The following PBLD variants were observed in gnomAD, a reference collection of about 807,000 sequenced individuals.
The protein encoded by PBLD is phenazine biosynthesis like protein domain containing, also known as phenazine biosynthesis-like domain-containing protein.
A neutral mutation model predicts 31.3 loss-of-function variants in PBLD; 26 were observed. The observed-to-expected ratio is 0.83, with a 90% CI of 0.61 to 1.15. The LOEUF (loss-of-function observed/expected upper bound fraction) is 1.15, where lower values mean the gene tolerates loss of function less well. Ranked by LOEUF, PBLD falls within the 50% of genes most tolerant of loss-of-function variation. The probability of loss-of-function intolerance (pLI) is 0.00; values close to 1 mark genes in which losing one functional copy is unlikely to be tolerated. For missense variants in PBLD, 307 were observed against 351.7 expected (o/e 0.87, Z 1.02); for synonymous variants, 114 against 129.0 (o/e 0.88, Z 0.79).
intron 1 of PBLD, among the ~76,000 whole-genome samples, chr10:68,328,568 C>T (rs370540545): frequency 6.6e-6 from 1 of 152,064 alleles, no homozygotes; most frequent in Admixed American, 6.5e-5. Flanking sequence ...TCTCCAGGGT[C>T]CCTCTGATCT....
chr10:68,314,590 AG>A (rs2044711655), intron 1 of PBLD, among the ~76,000 whole-genome samples: 1 of 151,238 alleles, frequency 6.6e-6, no homozygotes, highest in Non-Finnish European at 1.5e-5. Flanking sequence ...CCCACTAACA[AG>A]GTTTGTCTTT....
intron 1 of PBLD, among the ~76,000 whole-genome samples, chr10:68,330,780 C>A (rs2045045488): frequency 6.6e-6 from 1 of 150,968 alleles, no homozygotes; most frequent in Non-Finnish European, 1.5e-5. Flanking sequence ...GACAGGGTTT[C>A]ACCGTGTTAG....
At chr10:68,293,313 C>T (rs1193656661) in intron 4 of PBLD, among the ~76,000 whole-genome samples, 6 of 152,266 alleles carry the variant, frequency 3.9e-5, no homozygotes, top group Non-Finnish European at 5.9e-5. Context: ...CCTAAATGAA[C>T]CAAACTTTTT....
intron 7 of PBLD, 131 bp downstream of exon 7, chr10:68,288,800 C>T: frequency 7.8e-7 from 1 of 1,277,218 alleles, no homozygotes; most frequent in East Asian, 2.3e-5. Flanking sequence ...GAATGTCTTC[C>T]TATCAGGGAA....
intron 2 of PBLD, among the ~76,000 whole-genome samples, chr10:68,299,979 C>T (rs1332459586): frequency 6.6e-6 from 1 of 152,080 alleles, no homozygotes; most frequent in Non-Finnish European, 1.5e-5. Flanking sequence ...CGATCTATGC[C>T]TCTTGGGTTC....
chr10:68,326,383 A>G (rs534458183), intron 1 of PBLD, among the ~76,000 whole-genome samples: 1 of 152,258 alleles, frequency 6.6e-6, no homozygotes, highest in African/African-American at 2.4e-5. Context: ...ATACTGACCT[A>G]CTAGGAATTC....
intron 2 of PBLD, among the ~76,000 whole-genome samples, chr10:68,297,692 A>G (rs2044448670): frequency 1.3e-5 from 2 of 152,348 alleles, no homozygotes; most frequent in South Asian, 4.1e-4. Flanking sequence ...ATTTCACTTA[A>G]TCTCATTTTT....
At position 68,283,577 on chromosome 10, in the gene PBLD, A is replaced by G. The variant is rs1180549481; in HGVS notation, c.*600T>C. The G allele has an allele frequency of 6.6e-6, 1 of 152,312 alleles. No homozygotes were observed. Among genetic ancestry groups the G allele is most frequent in the Non-Finnish European group, 1.5e-5 (1 of 68,134 alleles). 9.4% of individuals were successfully genotyped at this position (152,312 alleles called of 1,614,324 possible). On this transcript the variant is annotated 3_prime_UTR_variant, in exon 10 of 10. Coordinates refer to ENST00000358769, the MANE Select transcript of PBLD (RefSeq NM_022129.4). ...GTTTAGTATCACTCCTCAGAAATGT[A>G]TTCCTCCTTCTCTTGATTGGTAGTC... is the stretch of plus-strand genomic sequence containing the variant.
chr10:68,315,739 T>A (rs1479519300), intron 1 of PBLD, among the ~76,000 whole-genome samples: 2 of 152,230 alleles, frequency 1.3e-5, no homozygotes, highest in East Asian at 3.9e-4. Context: ...AGGGGTTTTG[T>A]GCAAGCAGAA....
In PBLD at chr10:68,293,432, A is replaced by G. The variant is rs116917046; in HGVS notation, c.284-1194T>C. On this transcript the variant is annotated intron_variant, in intron 4 of 9. Transcript: ENST00000358769. ...ATAACATTTTTAGTGAAAACAAAGA[A>G]TGCTGACCCAATTCTTTTCTCTCCC... Among the ~76,000 whole-genome samples the G allele has an allele frequency of 2.5e-3, 377 of 152,348 alleles. 5 individuals are homozygous for G. The highest frequency in any genetic ancestry group is 0.01 in the East Asian group (54 of 5,180).
chr10:68,315,350 C>T (rs1333940451), intron 1 of PBLD, among the ~76,000 whole-genome samples: 1 of 151,890 alleles, frequency 6.6e-6, no homozygotes, highest in Non-Finnish European at 1.5e-5. Flanking sequence ...TCTGGGAGGC[C>T]TAGAAGGGTG....
intron 1 of PBLD, among the ~76,000 whole-genome samples, chr10:68,329,303 T>TATA (rs1177211587): frequency 1.3e-4 from 19 of 148,868 alleles, no homozygotes; most frequent in South Asian, 4.4e-4. Flanking sequence ...CCAAAGAAAT[T>TATA]ATGGCAAGCA....
intron 4 of PBLD, among the ~76,000 whole-genome samples, chr10:68,295,532 TTG>T (rs2044413324): frequency 6.6e-6 from 1 of 152,008 alleles, no homozygotes; most frequent in Non-Finnish European, 1.5e-5. Flanking sequence ...GAATCTCTTA[TTG>T]TGAAATGAAT....
intron 4 of PBLD, among the ~76,000 whole-genome samples, chr10:68,292,883 CTCTT>C (rs1435286689): frequency 1.3e-5 from 2 of 152,010 alleles, no homozygotes; most frequent in African/African-American, 4.8e-5. Flanking sequence ...ATAATGTTTT[CTCTT>C]TCTTTGAGGA....
rs1051074731 is a variant in PBLD, at chr10:68,283,214, A to G, written c.*963T>C. Reference sequence around the variant, plus strand: ...TACATTACTTTGAGTGTTTAATTTCACTATGACAGGAAGTAGCCTAATACA... The same window carrying G: ...TACATTACTTTGAGTGTTTAATTTCGCTATGACAGGAAGTAGCCTAATACA... On this transcript the variant is annotated 3_prime_UTR_variant, in exon 10 of 10. Transcript: ENST00000358769. 1 of 152,142 alleles carries G rather than the reference A, an allele frequency of 6.6e-6. No individual in the cohort carries two copies. Among genetic ancestry groups the G allele is most frequent in the African/African-American group, 2.4e-5 (1 of 41,418 alleles). 9.4% of individuals were successfully genotyped at this position (152,142 alleles called of 1,614,324 possible).
At chr10:68,326,966 G>C (rs1234580769) in intron 1 of PBLD, among the ~76,000 whole-genome samples, 2 of 152,104 alleles carry the variant, frequency 1.3e-5, no homozygotes, top group East Asian at 3.9e-4. Flanking sequence ...AGAATTGCTT[G>C]AACCAGGGAG....
At position 68,325,021 on chromosome 10, in the gene PBLD, A is replaced by C. The variant is rs185132494; in HGVS notation, c.-60+7763T>G. On this transcript the variant is annotated intron_variant, in intron 1 of 9. Transcript: ENST00000358769. ...AGAACTTTGGGAGGCCGAGACAGGC[A>C]GATCACGAGGTCAGGAGTTCAAGAC... Among the ~76,000 whole-genome samples the C allele has an allele frequency of 7.9e-5, 12 of 151,086 alleles. No homozygotes were observed. In the East Asian group the frequency reaches 2.4e-3, roughly 30 times the overall value.
chr10:68,314,200 G>A (rs1048142943), intron 1 of PBLD, among the ~76,000 whole-genome samples: 2 of 151,912 alleles, frequency 1.3e-5, no homozygotes, highest in African/African-American at 4.8e-5. Flanking sequence ...TGGTCTCAAA[G>A]TCCTTACCTC....
chr10:68,285,092 A>T, intron 9 of PBLD: 1 of 1,310,508 alleles, frequency 7.6e-7, no homozygotes, highest in Non-Finnish European at 9.7e-7. Flanking sequence ...AAAGTTATAC[A>T]GCTATTTTAT....
Sources: allele counts gnomAD v4.1 joint callset (sites outside exome capture counted in the v4.1 genomes callset), GRCh38; gene constraint gnomAD v4.1.1; transcripts MANE v1.5; gene names NCBI Gene and HGNC (gene_info 2026-07-23, HGNC 2026-07-21).